TGM4: variants seen among roughly 807,000 people sequenced by gnomAD.
TGM4 encodes the protein protein-glutamine gamma-glutamyltransferase 4.
In TGM4, 61 loss-of-function variants were observed where a neutral mutation model predicts 76.3. The observed-to-expected ratio is 0.80, with a 90% CI of 0.65 to 0.99. The LOEUF (loss-of-function observed/expected upper bound fraction) is 0.99. Among genes scored for constraint, TGM4 ranks in the 50% least tolerant of loss-of-function variants. TGM4 has a pLI of 0.00. For synonymous variants in TGM4, 337 were observed against 329.8 expected (o/e 1.02, Z -0.24); for missense variants, 794 against 843.2 (o/e 0.94, Z 0.72).
At chr3:44,890,498 G>C in intron 3 of TGM4, 105 bp from the exon 4 acceptor site, 1 of 1,503,570 alleles carries the variant, frequency 6.7e-7, no homozygotes, top group Non-Finnish European at 9.0e-7. Flanking sequence ...GCTGGTTCCA[G>C]ATGGGATGAG....
chr3:44,901,676 G>A lies in TGM4; in HGVS notation c.810G>A (p.Val270=). ...KQAVCFGQCW[V]FAGILTTVLR... ...CTGTGTGCTTTGGCCAGTGCTGGGT[G>A]TTTGCTGGGATCCTGACTACAGGTA... The change falls in exon 7 of 14, where the codon GTG becomes GTA. Residue 270 remains valine, a synonymous_variant. Transcript: ENST00000296125. 6.2e-7 allele frequency: 1 copy of A among 1,614,102 alleles called. No homozygotes were observed. The highest frequency in any genetic ancestry group is 8.5e-7 in the Non-Finnish European group (1 of 1,179,964).
At chr3:44,887,259 C>T (rs929554056) in intron 2 of TGM4, among the ~76,000 whole-genome samples, 4 of 152,228 alleles carry the variant, frequency 2.6e-5, no homozygotes, top group African/African-American at 9.6e-5. Context: ...GATCCTGCAA[C>T]AGCTTGCAGG....
intron 13 of TGM4, among the ~76,000 whole-genome samples, chr3:44,912,111 A>G (rs1036536647): frequency 1.3e-5 from 2 of 152,268 alleles, no homozygotes; most frequent in African/African-American, 4.8e-5. Context: ...GATTACAGGC[A>G]TGGGCCATCA....
Position 44,907,139 on chromosome 3 carries a change from C to T in TGM4, c.1266C>T (p.Ser422=). ...METTSIGKNI[S]TKAVGQDRRR... Reference sequence around the variant, plus strand: ...CCACAAGCATCGGGAAAAACATCAGCACCAAGGCAGTGGGCCAAGACAGGC... The same window carrying T: ...CCACAAGCATCGGGAAAAACATCAGTACCAAGGCAGTGGGCCAAGACAGGC... Residue 422 remains serine, a synonymous_variant, in exon 10 of 14, where the codon AGC becomes AGT. Coordinates refer to ENST00000296125, the MANE Select transcript of TGM4 (RefSeq NM_003241.4). 6.2e-7 allele frequency: 1 copy of T among 1,614,060 alleles called. No individual in the cohort carries two copies. The highest frequency in any genetic ancestry group is 8.5e-7 in the Non-Finnish European group (1 of 1,180,018).
chr3:44,884,175 CAT>C (rs947088483), intron 1 of TGM4, among the ~76,000 whole-genome samples: 1 of 152,188 alleles, frequency 6.6e-6, no homozygotes, highest in Non-Finnish European at 1.5e-5. Context: ...GCTTTGAAAA[CAT>C]AGAGGCTCAG....
intron 3 of TGM4, 151 bp downstream of exon 3, chr3:44,887,946 A>G (rs1449270634): frequency 2.9e-6 from 2 of 682,726 alleles, no homozygotes; most frequent in South Asian, 3.7e-5. Flanking sequence ...CATGGCTCCA[A>G]ATGTCTGTTT....
intron 4 of TGM4, among the ~76,000 whole-genome samples, 174 bp from the exon 5 acceptor site, chr3:44,893,403 C>T (rs745565741): frequency 3.3e-5 from 5 of 152,132 alleles, no homozygotes; most frequent in African/African-American, 7.2e-5. Context: ...ACAGCTGGCT[C>T]GGGAAGTTCT....
intron 8 of TGM4, among the ~76,000 whole-genome samples, chr3:44,903,138 C>T (rs1352770217): frequency 1.3e-5 from 2 of 152,148 alleles, no homozygotes; most frequent in Non-Finnish European, 2.9e-5. Context: ...CAACTGAGTA[C>T]AGGTGTATTT....
intron 1 of TGM4, among the ~76,000 whole-genome samples, chr3:44,883,496 A>G (rs1327484828): frequency 6.6e-6 from 1 of 152,176 alleles, no homozygotes; most frequent in African/African-American, 2.4e-5. Flanking sequence ...ATAAATTTCT[A>G]TTCTTTCTAA....
intron 9 of TGM4, among the ~76,000 whole-genome samples, chr3:44,906,401 A>G (rs1016517341): frequency 6.6e-6 from 1 of 152,192 alleles, no homozygotes; most frequent in Admixed American, 6.5e-5. Context: ...AAAATGAAAA[A>G]TAAATAAATA....
chr3:44,896,712 G>C lies in TGM4; in HGVS notation c.553G>C (p.Glu185Gln). Reference protein sequence around the residue: ...KCKPWNFGQFEKNVLDCCISL... With the variant: ...KCKPWNFGQFQKNVLDCCISL... ...CTTTCTTCATTTCCCAAAATAGTTTGAGAAAAATGTCCTGGACTGCTGCAT... is the reference window on the plus strand; with the variant it reads ...CTTTCTTCATTTCCCAAAATAGTTTCAGAAAAATGTCCTGGACTGCTGCAT... Residue 185 changes from glutamate to glutamine, a missense_variant, in exon 6 of 14, where the codon GAG becomes CAG. Physicochemically the swap from Glu to Gln is conservative, Grantham distance 29. Coordinates refer to ENST00000296125, the MANE Select transcript of TGM4 (RefSeq NM_003241.4). 6.2e-7 allele frequency: 1 copy of C among 1,614,024 alleles called. No homozygotes were observed. Among genetic ancestry groups the C allele is most frequent in the Non-Finnish European group, 8.5e-7 (1 of 1,179,936 alleles).
At chr3:44,894,946 A>G (rs1046813524) in intron 5 of TGM4, among the ~76,000 whole-genome samples, 1 of 152,134 alleles carries the variant, frequency 6.6e-6, no homozygotes, top group Non-Finnish European at 1.5e-5. Context: ...AACGAACCGC[A>G]GGAGGGGTAG....
intron 11 of TGM4, 38 bp downstream of exon 11, chr3:44,910,406 T>A: frequency 6.3e-7 from 1 of 1,594,996 alleles, no homozygotes; most frequent in Middle Eastern, 1.7e-4. Context: ...TCAAGTGGGC[T>A]CAGGGTCCCA....
intron 12 of TGM4, 38 bp from the exon 13 acceptor site, chr3:44,911,232 A>T: frequency 6.2e-7 from 1 of 1,612,708 alleles, no homozygotes; most frequent in Non-Finnish European, 8.5e-7. Flanking sequence ...GCTCATGCAT[A>T]TCTTCTCTCC....
chr3:44,897,380 T>C lies in TGM4; in HGVS notation c.657+564T>C, dbSNP rs534390367. ...TTAGGTGTAAATGGCTTCAACTGTCTGAGCCTCAGTTTCCCCCATCTGCAA... is the reference window on the plus strand; with the variant it reads ...TTAGGTGTAAATGGCTTCAACTGTCCGAGCCTCAGTTTCCCCCATCTGCAA... On this transcript the variant is annotated intron_variant, in intron 6 of 13. Coordinates refer to ENST00000296125, the MANE Select transcript of TGM4 (RefSeq NM_003241.4). 6.6e-5 allele frequency among the ~76,000 whole-genome samples: 10 copies of C among 152,346 alleles called. No individual in the cohort carries two copies. In the South Asian group the frequency reaches 2.1e-3, roughly 32 times the overall value.
intron 13 of TGM4, among the ~76,000 whole-genome samples, chr3:44,911,989 C>T (rs1168643884): frequency 6.6e-6 from 1 of 152,152 alleles, no homozygotes; most frequent in Non-Finnish European, 1.5e-5. Flanking sequence ...TGCCACCACA[C>T]CCGGCTAATT....
chr3:44,887,907 C>T (rs1699635134), intron 3 of TGM4, 112 bp downstream of exon 3: 2 of 896,412 alleles, frequency 2.2e-6, no homozygotes, highest in Middle Eastern at 2.1e-4. Context: ...TGGTTTAAAG[C>T]CATCCACAGC....
intron 12 of TGM4, 67 bp downstream of exon 12, chr3:44,911,194 C>T (rs1224288296): frequency 2.5e-6 from 4 of 1,609,398 alleles, no homozygotes; most frequent in African/African-American, 1.3e-5. Flanking sequence ...GTGACGGGGC[C>T]CCTAAGAACC....
chr3:44,878,948 G>T (rs1284850815), intron 1 of TGM4, among the ~76,000 whole-genome samples: 1 of 151,910 alleles, frequency 6.6e-6, no homozygotes, highest in East Asian at 1.9e-4. Context: ...TTTCATCCAA[G>T]ACTCCGCGTC....
Sources: gnomAD v4.1 joint callset for allele counts (sites outside exome capture counted in the v4.1 genomes callset) on GRCh38, gnomAD v4.1.1 for gene constraint, MANE v1.5 for transcripts, NCBI Gene and HGNC (gene_info 2026-07-23, HGNC 2026-07-21) for gene names.